Variants in BANP observed in about 807,000 individuals in gnomAD.
BANP encodes the protein BTG3 associated nuclear protein.
A neutral mutation model predicts 68.1 loss-of-function variants in BANP; 11 were observed. The observed-to-expected ratio is 0.16, with a 90% confidence interval of 0.10 to 0.27. The LOEUF is 0.27. Among genes scored for constraint, BANP ranks in the 10% least tolerant of loss-of-function variants. BANP has a pLI of 1.00. For missense variants in BANP, 504 were observed against 722.7 expected (o/e 0.70, Z 3.47); for synonymous variants, 329 against 303.2 (o/e 1.09, Z -0.88).
chr16:87,983,957 A>G, intron 3 of BANP, 103 bp from the exon 4 acceptor site: 5 of 1,423,306 alleles, frequency 3.5e-6, no homozygotes, highest in Non-Finnish European at 4.7e-6. Flanking sequence ...TTCTGTCTGA[A>G]TAGATAGAGT....
intron 2 of BANP, among the ~76,000 whole-genome samples, chr16:87,975,896 T>C (rs2062022323): frequency 7.1e-6 from 1 of 140,698 alleles, no homozygotes; most frequent in South Asian, 2.3e-4. Context: ...TAATCCCCTG[T>C]GTGTGGTGTC....
At chr16:87,955,805 A>T (rs2057932575) in intron 1 of BANP, among the ~76,000 whole-genome samples, 1 of 152,226 alleles carries the variant, frequency 6.6e-6, no homozygotes, top group South Asian at 2.1e-4. Flanking sequence ...CCAGTGAGAC[A>T]CATCACTTCT....
chr16:88,072,238 C>T (rs2090524815), intron 13 of BANP, 26 bp downstream of exon 13: 3 of 1,587,196 alleles, frequency 1.9e-6, no homozygotes, highest in Admixed American at 3.5e-5. Flanking sequence ...CGCGCCGGGA[C>T]ACTGAAGTGA....
At chr16:88,022,501 C>T (rs895401933) in intron 7 of BANP, among the ~76,000 whole-genome samples, 9 of 152,196 alleles carry the variant, frequency 5.9e-5, no homozygotes, top group African/African-American at 1.9e-4. Flanking sequence ...CACTCCAAGC[C>T]CCAGGTGGTG....
chr16:88,061,759 G>A (rs1253536326), intron 11 of BANP, among the ~76,000 whole-genome samples: 1 of 151,806 alleles, frequency 6.6e-6, no homozygotes, highest in African/African-American at 2.4e-5. Context: ...TCTGCCTCCT[G>A]GGTTCAAGCA....
intron 11 of BANP, among the ~76,000 whole-genome samples, chr16:88,049,696 C>T (rs2082810815): frequency 6.6e-6 from 1 of 152,170 alleles, no homozygotes; most frequent in African/African-American, 2.4e-5. Context: ...CTCTCGTAAA[C>T]ACCACAGCTC....
chr16:88,027,979 G>A (rs749555253), intron 8 of BANP, among the ~76,000 whole-genome samples: 21 of 152,348 alleles, frequency 1.4e-4, no homozygotes, highest in South Asian at 2.1e-4. Context: ...ACGATTTGCC[G>A]GGTGACTCCG....
chr16:87,964,035 G>A (rs1357002836), intron 1 of BANP, among the ~76,000 whole-genome samples: 1 of 152,236 alleles, frequency 6.6e-6, no homozygotes, highest in Non-Finnish European at 1.5e-5. Context: ...GATGGGCACT[G>A]TTCATCAGAT....
At chr16:87,986,643 A>C (rs911843206) in intron 4 of BANP, among the ~76,000 whole-genome samples, 52 of 152,356 alleles carry the variant, frequency 3.4e-4, no homozygotes, top group African/African-American at 1.3e-3. Flanking sequence ...TGAGGGTAAC[A>C]GTGTCTGTGC....
At chr16:88,054,472 A>G (rs1294280873) in intron 11 of BANP, among the ~76,000 whole-genome samples, 2 of 152,034 alleles carry the variant, frequency 1.3e-5, no homozygotes, top group Non-Finnish European at 2.9e-5. Flanking sequence ...CCTCACCACC[A>G]CTACCAACAA....
intron 1 of BANP, among the ~76,000 whole-genome samples, chr16:87,953,597 T>G (rs117881184): frequency 0.029 from 4,454 of 152,330 alleles, 86 homozygotes; most frequent in Non-Finnish European, 0.042. Flanking sequence ...TCCCCTGGAC[T>G]GTCTGTGTTA....
chr16:88,019,689 TCCGGGATCTCAGCGTGC>T (rs1345215826), intron 7 of BANP, among the ~76,000 whole-genome samples: 1 of 47,474 alleles, frequency 2.1e-5, no homozygotes, highest in African/African-American at 8.3e-5. Context: ...GGGCGGGGCG[TCCGGGATCTCAGCGTGC>T]GGGGGGCGGG....
chr16:87,988,583 A>T (rs1288481402), intron 4 of BANP, among the ~76,000 whole-genome samples: 1 of 152,160 alleles, frequency 6.6e-6, no homozygotes, highest in Non-Finnish European at 1.5e-5. Context: ...AATATTTTGA[A>T]TGAAGATTAG....
chr16:88,020,178 A>G (rs1379874598), intron 7 of BANP, among the ~76,000 whole-genome samples: 2 of 152,224 alleles, frequency 1.3e-5, no homozygotes, highest in African/African-American at 4.8e-5. Flanking sequence ...CTGAAGGGCC[A>G]CACGGCAGAT....
At chr16:88,005,133 C>T (rs1031078167) in intron 5 of BANP, among the ~76,000 whole-genome samples, 13 of 152,198 alleles carry the variant, frequency 8.5e-5, no homozygotes, top group African/African-American at 3.1e-4. Context: ...TCTCCAGGGC[C>T]GCAGCTGTGG....
chr16:87,968,033 C>T (rs543413258), intron 1 of BANP, among the ~76,000 whole-genome samples: 3 of 150,866 alleles, frequency 2.0e-5, no homozygotes, highest in South Asian at 4.2e-4. Flanking sequence ...GGATTACAGG[C>T]GTGAGCCACC....
intron 3 of BANP, among the ~76,000 whole-genome samples, chr16:87,983,398 A>G (rs1287471439): frequency 6.6e-6 from 1 of 152,090 alleles, no homozygotes; most frequent in Admixed American, 6.5e-5. Flanking sequence ...GGGGAAATGA[A>G]ATTCTTCCCT....
At chr16:88,054,113 G>A (rs200402135) in intron 11 of BANP, among the ~76,000 whole-genome samples, 22 of 62,910 alleles carry the variant, frequency 3.5e-4, no homozygotes, top group African/African-American at 7.2e-4. Flanking sequence ...ATCATCACCA[G>A]CACAACCACA....
At chr16:87,974,442 G>C (rs2061661891) in intron 1 of BANP, among the ~76,000 whole-genome samples, 1 of 152,232 alleles carries the variant, frequency 6.6e-6, no homozygotes, top group Non-Finnish European at 1.5e-5. Context: ...GCAGGATGCT[G>C]CTCGGGCTCA....
Sources: gnomAD v4.1 joint callset for allele counts (sites outside exome capture counted in the v4.1 genomes callset) on GRCh38, gnomAD v4.1.1 for gene constraint, MANE v1.5 for transcripts, NCBI Gene and HGNC (gene_info 2026-07-23, HGNC 2026-07-21) for gene names.